VPS53: variants seen among roughly 807,000 people sequenced by gnomAD.
The protein encoded by VPS53 is vacuolar protein sorting-associated protein 53 homolog.
A neutral mutation model predicts 107.0 loss-of-function variants in VPS53; 70 were observed. The ratio of observed to expected loss-of-function variants is 0.65; its 90% CI spans 0.54 to 0.80. The LOEUF is 0.80. Ranked by LOEUF, VPS53 falls within the 30% of genes least tolerant of loss-of-function variation. The pLI, the probability that VPS53 is intolerant of heterozygous loss-of-function variation, is 0.00. For missense variants in VPS53, 917 were observed against 1,049.4 expected (o/e 0.87, Z 1.74); for synonymous variants, 409 against 393.3 (o/e 1.04, Z -0.47).
chr17:616,499 C>T (rs1190698080), intron 11 of VPS53: 3 of 152,376 alleles, frequency 2.0e-5, no homozygotes, highest in African/African-American at 7.2e-5. Context: ...GAAAAAGGCT[C>T]AAGTGTTCCT....
rs895517266 is a variant in VPS53 at position 645,865 on chromosome 17, T to A, written c.608+7426A>T. Among the ~76,000 whole-genome samples the A allele has an allele frequency of 1.5e-5, 2 of 130,038 alleles. 1 individual carries two copies. Among genetic ancestry groups the A allele is most frequent in the Admixed American group, 1.7e-4 (2 of 11,516 alleles). 85.3% of individuals were successfully genotyped at this position (130,038 alleles called of 152,430 possible). A position where few individuals can be genotyped will look rare whatever the true frequency, so the allele number is the denominator to read the frequency against. On this transcript the variant is annotated intron_variant, in intron 7 of 21. Transcript: ENST00000437048. ...GACTGGAGACTGGCTCTTACACACA[T>A]CTCCGTGACCGCGTGGTCTCTGCCT...
At position 513,583 on chromosome 17, in the gene VPS53, C is replaced by T. The variant is rs1908082379; in HGVS notation, c.*5545G>A. The T allele has an allele frequency of 6.6e-6, 1 of 152,296 alleles. No homozygotes were observed. Among genetic ancestry groups the T allele is most frequent in the African/African-American group, 2.4e-5 (1 of 41,456 alleles). 9.4% of individuals were successfully genotyped at this position (152,296 alleles called of 1,614,324 possible). On this transcript the variant is annotated 3_prime_UTR_variant, in exon 22 of 22. Coordinates refer to ENST00000437048, the MANE Select transcript of VPS53 (RefSeq NM_001128159.3). ...AGAAGTGTGAGACACTTGCTGTCAC[C>T]CTCAAGCAGGCAGGTTGTTCTGAGT...
At position 537,025 on chromosome 17, in the gene VPS53, T is replaced by G. The variant is rs1597260009; in HGVS notation, c.2015+3A>C. The G allele has an allele frequency of 6.2e-7, 1 of 1,614,202 alleles. No individual in the cohort carries two copies. The highest frequency in any genetic ancestry group is 8.5e-7 in the Non-Finnish European group (1 of 1,180,040). Reference sequence around the variant, plus strand: ...CCAGAGATGAGCACGCCCCAGGACTTACTTTGCAAATTTAACGCAGAACTG... The same window carrying G: ...CCAGAGATGAGCACGCCCCAGGACTGACTTTGCAAATTTAACGCAGAACTG... On this transcript the variant is annotated splice_donor_region_variant and intron_variant, in intron 18 of 21. Coordinates refer to ENST00000437048, the MANE Select transcript of VPS53 (RefSeq NM_001128159.3).
At chr17:525,272 A>G (rs1406928822) in intron 19 of VPS53, among the ~76,000 whole-genome samples, 1 of 152,264 alleles carries the variant, frequency 6.6e-6, no homozygotes, top group Non-Finnish European at 1.5e-5. Flanking sequence ...ATCAAAACAC[A>G]TATGAGAATA....
rs192101495 is a variant in VPS53 at position 535,246 on chromosome 17, G to A, written c.2015+1782C>T. 2.7e-3 allele frequency among the ~76,000 whole-genome samples: 415 copies of A among 152,320 alleles called. 1 individual carries two copies. Among genetic ancestry groups the A allele is most frequent in the African/African-American group, 8.4e-3 (350 of 41,580 alleles). ...TGAGGGGGGGCATCCAATTCCCAGC[G>A]CACTCAACCTGGGCTTAGCAATGAA... On this transcript the variant is annotated intron_variant, in intron 18 of 21. Coordinates refer to ENST00000437048, the MANE Select transcript of VPS53 (RefSeq NM_001128159.3).
intron 5 of VPS53, among the ~76,000 whole-genome samples, chr17:661,263 T>C (rs1185173844): frequency 3.3e-5 from 5 of 151,618 alleles, no homozygotes; most frequent in Non-Finnish European, 7.4e-5. Context: ...GGCTCACACC[T>C]GTAATCCCAG....
intron 5 of VPS53, chr17:657,395 T>A (rs1971237255): frequency 8.6e-6 from 7 of 816,444 alleles, no homozygotes; most frequent in East Asian, 2.4e-5. Flanking sequence ...TCTTCTTAAG[T>A]CTGTTCCTTA....
chr17:594,242 C>T (rs1967832959), intron 12 of VPS53, among the ~76,000 whole-genome samples: 1 of 152,190 alleles, frequency 6.6e-6, no homozygotes, highest in African/African-American at 2.4e-5. Flanking sequence ...GGGTGCAGCG[C>T]ACCAGCATGG....
rs916918689 is a variant in VPS53 at position 511,361 on chromosome 17, G to A, written c.*7767C>T. The A allele has an allele frequency of 2.0e-5, 3 of 152,206 alleles. No individual in the cohort carries two copies. The highest frequency in any genetic ancestry group is 7.2e-5 in the African/African-American group (3 of 41,454). The allele number at this position is 152,206 out of a possible 1,614,324, so 9.4% of individuals were successfully genotyped here. ...GTAGAGGGAAGTTTGTTGAGAAGCT[G>A]TTCTTAATTTCTCACTTGTTGAAAA... On this transcript the variant is annotated 3_prime_UTR_variant, in exon 22 of 22. Transcript: ENST00000437048.
intron 17 of VPS53, among the ~76,000 whole-genome samples, chr17:549,654 T>C (rs778846949): frequency 1.3e-5 from 2 of 151,882 alleles, no homozygotes; most frequent in South Asian, 2.1e-4. Context: ...CGATCTGAAG[T>C]GTGTGGCAGT....
intron 12 of VPS53, among the ~76,000 whole-genome samples, chr17:597,359 C>T (rs1968023417): frequency 6.6e-6 from 1 of 152,174 alleles, no homozygotes; most frequent in Non-Finnish European, 1.5e-5. Context: ...TTTTGTTGTG[C>T]ACCCCACTCT....
At chr17:714,522 C>A (rs887468009) in intron 1 of VPS53, 101 bp downstream of exon 1, 2 of 1,158,098 alleles carry the variant, frequency 1.7e-6, no homozygotes, top group Admixed American at 2.1e-5. Flanking sequence ...CTGCCGCGAG[C>A]CCCCGGCCCT....
chr17:560,483 G>A lies in VPS53; in HGVS notation c.1647C>T (p.Leu549=). 1 of 1,613,298 alleles carries A rather than the reference G, an allele frequency of 6.2e-7. No homozygotes were observed. Among genetic ancestry groups the A allele is most frequent in the Non-Finnish European group, 8.5e-7 (1 of 1,180,020 alleles). Residue 549 remains leucine (L), a synonymous_variant, in exon 15 of 22, where the codon CTC becomes CTT. Transcript: ENST00000437048. ...SEVAKFTLEE[L]CLICNILSTA... ...TGCTCAGGATGTTACAGATGAGGCA[G>A]AGCTCCTCCAGAGTGAACTTGGCTA... is the stretch of plus-strand genomic sequence containing the variant.
At chr17:582,616 C>T (rs1312770190) in intron 13 of VPS53, among the ~76,000 whole-genome samples, 1 of 148,850 alleles carries the variant, frequency 6.7e-6, no homozygotes, top group South Asian at 2.2e-4. Flanking sequence ...TCAACGCAGT[C>T]CCAGAGAAAC....
rs547020190 is a variant in VPS53 at position 618,554 on chromosome 17, T to G, written c.1116+4979A>C. ...TAGCTGGGACTACAGGCATGCGCCA[T>G]CAGGCCCCGCTATTATTTCCCAGGT... is the stretch of plus-strand genomic sequence containing the variant. On this transcript the variant is annotated intron_variant, in intron 11 of 21. Transcript: ENST00000437048. Among the ~76,000 whole-genome samples, 144 of 117,240 alleles carry G rather than the reference T, an allele frequency of 1.2e-3. 4 individuals are homozygous for G. The highest frequency in any genetic ancestry group is 4.7e-3 in the African/African-American group (141 of 30,078). 76.9% of individuals were successfully genotyped at this position (117,240 alleles called of 152,430 possible).
chr17:709,263 A>C (rs1456722729), intron 2 of VPS53, among the ~76,000 whole-genome samples: 1 of 151,576 alleles, frequency 6.6e-6, no homozygotes, highest in African/African-American at 2.4e-5. Context: ...CACGGCCACC[A>C]TGTTTGATCA....
At chr17:643,229 G>T (rs1970520428) in intron 7 of VPS53, among the ~76,000 whole-genome samples, 1 of 50,254 alleles carries the variant, frequency 2.0e-5, no homozygotes, top group African/African-American at 6.3e-5. Flanking sequence ...ACTCATACTT[G>T]GAAACCGAGG....
chr17:628,567 C>T (rs903084354), intron 8 of VPS53, among the ~76,000 whole-genome samples: 4 of 152,186 alleles, frequency 2.6e-5, no homozygotes, highest in African/African-American at 9.7e-5. Context: ...TCTCTGATGT[C>T]GCAAGATGCT....
intron 11 of VPS53, among the ~76,000 whole-genome samples, chr17:619,866 G>A (rs181835853): frequency 0.025 from 1,283 of 50,412 alleles, 2 homozygotes; most frequent in South Asian, 0.05. Context: ...GACTACAGGC[G>A]TGCACCACCA....
Sources: gnomAD v4.1 joint callset for allele counts (sites outside exome capture counted in the v4.1 genomes callset) on GRCh38, gnomAD v4.1.1 for gene constraint, MANE v1.5 for transcripts, NCBI Gene and HGNC (gene_info 2026-07-23, HGNC 2026-07-21) for gene names.